The following NBAS variants were observed in gnomAD, a reference collection of about 807,000 sequenced individuals.
NBAS encodes the protein NAG/BC035112 fusion.
In NBAS, 219 loss-of-function variants were observed where a neutral mutation model predicts 302.5. The observed-to-expected ratio is 0.72, with a 90% CI of 0.65 to 0.81. The LOEUF (loss-of-function observed/expected upper bound fraction) is 0.81. Ranked by LOEUF, NBAS falls within the 30% of genes least tolerant of loss-of-function variation. The pLI, the probability that NBAS is intolerant of heterozygous loss-of-function variation, is 0.00. For synonymous variants in NBAS, 1,118 were observed against 1,021.6 expected (o/e 1.09, Z -1.80); for missense variants, 2,932 against 2,841.6 (o/e 1.03, Z -0.72).
At chr2:14,876,370 C>A in the NBAS span, among the ~76,000 whole-genome samples, 1 of 152,176 alleles carries the variant, frequency 6.6e-6, no homozygotes, top group Non-Finnish European at 1.5e-5. Flanking sequence ...ATTTATTCCC[C>A]AGTTTCCTTA....
At chr2:15,054,510 C>G in the NBAS span, among the ~76,000 whole-genome samples, 7 of 152,312 alleles carry the variant, frequency 4.6e-5, no homozygotes, top group South Asian at 1.4e-3. Context: ...GAAACTGAGA[C>G]TCTGGGCACC....
At chr2:14,932,063 T>C in the NBAS span, among the ~76,000 whole-genome samples, 2 of 152,220 alleles carry the variant, frequency 1.3e-5, no homozygotes, top group African/African-American at 4.8e-5. Context: ...TCTTTACTTC[T>C]CATTGCAGAA....
chr2:15,413,275 T>C (rs562050528), intron 25 of NBAS, among the ~76,000 whole-genome samples: 1 of 152,310 alleles, frequency 6.6e-6, no homozygotes, highest in African/African-American at 2.4e-5. Flanking sequence ...TCACTTGCCC[T>C]GCCAAAATTT....
intron 48 of NBAS, among the ~76,000 whole-genome samples, chr2:15,196,023 C>A (rs1014429397): frequency 1.3e-5 from 2 of 152,196 alleles, no homozygotes; most frequent in Non-Finnish European, 2.9e-5. Context: ...TCAGACAGGG[C>A]ACTTGAATCT....
rs751064539 is a variant in NBAS at position 15,366,614 on chromosome 2, C to T, written c.3783G>A (p.Lys1261=). 2 of 1,614,120 alleles carry T rather than the reference C, an allele frequency of 1.2e-6. No homozygotes were observed. Among genetic ancestry groups the T allele is most frequent in the Non-Finnish European group, 8.5e-7 (1 of 1,179,994 alleles). ...QSPTCYKQST[K]LLGLAELLRV... is the part of the protein sequence containing the mutation. Reference sequence around the variant, plus strand: ...TCAGCAGCTCAGCAAGGCCCAGAAGCTTGGTGGATTGTTTATAGCATGTGG... The same window carrying T: ...TCAGCAGCTCAGCAAGGCCCAGAAGTTTGGTGGATTGTTTATAGCATGTGG... The change falls in exon 32 of 52, where the codon AAG becomes AAA. Residue 1261 remains lysine (K), a synonymous_variant. Transcript: ENST00000281513.
chr2:14,848,399 T>C, the NBAS span, among the ~76,000 whole-genome samples: 1 of 140,982 alleles, frequency 7.1e-6, no homozygotes, highest in South Asian at 2.1e-4. Flanking sequence ...CACGAGACTA[T>C]ATCCCACACC....
intron 21 of NBAS, among the ~76,000 whole-genome samples, chr2:15,452,420 C>A (rs1046578098): frequency 7.7e-5 from 6 of 77,864 alleles, no homozygotes; most frequent in Non-Finnish European, 1.5e-4. Flanking sequence ...ACGGTGAAAC[C>A]CCGTCTCTAC....
At chr2:14,797,457 G>A in the NBAS span, among the ~76,000 whole-genome samples, 1 of 152,190 alleles carries the variant, frequency 6.6e-6, no homozygotes, top group Non-Finnish European at 1.5e-5. Flanking sequence ...GGAGCAAGGC[G>A]GCGGGACTGA....
At chr2:14,924,721 C>T in the NBAS span, among the ~76,000 whole-genome samples, 24,534 of 152,108 alleles carry the variant, frequency 0.16, 2,019 homozygotes, top group Middle Eastern at 0.2. Flanking sequence ...ACTCCAGTCA[C>T]GGTGGAGCCT....
the NBAS span, among the ~76,000 whole-genome samples, chr2:14,780,716 A>C: frequency 1.3e-5 from 2 of 152,210 alleles, no homozygotes; most frequent in African/African-American, 4.8e-5. Flanking sequence ...TTTCACCCCA[A>C]ATAACTTAGG....
intron 42 of NBAS, among the ~76,000 whole-genome samples, chr2:15,284,921 T>C (rs904159343): frequency 3.9e-5 from 6 of 152,234 alleles, no homozygotes; most frequent in South Asian, 2.1e-4. Context: ...CCAGGTATAA[T>C]GATATGCTAG....
chr2:15,181,394 T>G (rs566182189), intron 50 of NBAS, among the ~76,000 whole-genome samples: 2 of 152,306 alleles, frequency 1.3e-5, no homozygotes, highest in South Asian at 2.1e-4. Context: ...ACTTTTCATC[T>G]CTTAGCTACC....
At chr2:15,093,260 A>G in the NBAS span, among the ~76,000 whole-genome samples, 1 of 152,162 alleles carries the variant, frequency 6.6e-6, no homozygotes, top group East Asian at 1.9e-4. Context: ...TACTAAAAAT[A>G]CAAAAATTAG....
chr2:15,111,348 T>A, the NBAS span, among the ~76,000 whole-genome samples: 5 of 152,086 alleles, frequency 3.3e-5, no homozygotes, highest in Admixed American at 2.0e-4. Flanking sequence ...AGATACCCCA[T>A]GAATCCCACA....
chr2:15,348,078 T>C (rs1558258544), intron 35 of NBAS, among the ~76,000 whole-genome samples: 1 of 152,252 alleles, frequency 6.6e-6, no homozygotes, highest in Non-Finnish European at 1.5e-5. Context: ...GTGGTTATTA[T>C]ATCTACTGTT....
At chr2:14,793,162 A>T in the NBAS span, among the ~76,000 whole-genome samples, 3 of 152,104 alleles carry the variant, frequency 2.0e-5, no homozygotes, top group Non-Finnish European at 4.4e-5. Context: ...ATTCACCAGA[A>T]AATCAGTCAG....
At chr2:14,885,333 G>T in the NBAS span, among the ~76,000 whole-genome samples, 1 of 152,038 alleles carries the variant, frequency 6.6e-6, no homozygotes, top group South Asian at 2.1e-4. Flanking sequence ...AGAAGGGAGC[G>T]AATCAAGGAT....
the NBAS span, among the ~76,000 whole-genome samples, chr2:15,015,802 C>CGAAA: frequency 1.3e-5 from 2 of 151,780 alleles, no homozygotes; most frequent in African/African-American, 4.8e-5. Context: ...AATTAGACAA[C>CGAAA]GAAAGAAAGA....
chr2:15,103,690 G>A, the NBAS span, among the ~76,000 whole-genome samples: 1 of 152,110 alleles, frequency 6.6e-6, no homozygotes, highest in Non-Finnish European at 1.5e-5. Context: ...CATAGAAGGG[G>A]CAGTTTTGCG....
Sources: allele counts gnomAD v4.1 joint callset (sites outside exome capture counted in the v4.1 genomes callset), GRCh38; gene constraint gnomAD v4.1.1; transcripts MANE v1.5; gene names NCBI Gene and HGNC (gene_info 2026-07-23, HGNC 2026-07-21).